ARID1B: variants seen among roughly 807,000 people sequenced by gnomAD.
ARID1B encodes AT-rich interactive domain-containing protein 1B.
Under a neutral mutation model 212.3 loss-of-function variants are expected in ARID1B, and 30 were observed. That is an observed-to-expected ratio of 0.14 (90% confidence interval 0.11 to 0.19). The LOEUF (loss-of-function observed/expected upper bound fraction) is 0.19. ARID1B is among the 10% of genes least tolerant of loss of function. The pLI is 1.00. For missense variants in ARID1B, 2,891 were observed against 3,204.0 expected (o/e 0.90, Z 2.36); for synonymous variants, 1,402 against 1,301.7 (o/e 1.08, Z -1.66).
At chr6:156,918,848 G>A (rs1790565394) in intron 3 of ARID1B, among the ~76,000 whole-genome samples, 1 of 152,172 alleles carries the variant, frequency 6.6e-6, no homozygotes, top group African/African-American at 2.4e-5. Context: ...ATGCCAGGAG[G>A]ATGGGAATGA....
chr6:157,184,089 A>G (rs1792778814), intron 12 of ARID1B, 142 bp from the exon 13 acceptor site: 7 of 713,492 alleles, frequency 9.8e-6, no homozygotes, highest in Non-Finnish European at 1.6e-5. Flanking sequence ...CTGCCTATGC[A>G]CTGCTGAGTG....
At chr6:157,163,156 G>A (rs1246609199) in intron 8 of ARID1B, among the ~76,000 whole-genome samples, 1 of 152,200 alleles carries the variant, frequency 6.6e-6, no homozygotes, top group Non-Finnish European at 1.5e-5. Flanking sequence ...CCGTCCAAAT[G>A]TTGTGTTGGT....
intron 4 of ARID1B, among the ~76,000 whole-genome samples, chr6:157,021,420 G>A (rs915648106): frequency 2.6e-5 from 4 of 152,180 alleles, no homozygotes; most frequent in Non-Finnish European, 5.9e-5. Flanking sequence ...AGGGCGGCGA[G>A]CGCGGAGGGG....
chr6:157,094,804 C>T lies in ARID1B; in HGVS notation c.2491+9899C>T, dbSNP rs943523130. Among the ~76,000 whole-genome samples the T allele has an allele frequency of 6.6e-6, 1 of 152,110 alleles. No homozygotes were observed. The highest frequency in any genetic ancestry group is 2.4e-5 in the African/African-American group (1 of 41,398). ...GGTGGGAGCAGAGACATCGGAGGCT[C>T]CTGCAGTAACCACGCGGAGTGTTGA... On this transcript the variant is annotated intron_variant, in intron 5 of 19. Transcript: ENST00000636930. This position sits in a 1 kb window ranked among gnomAD's most constrained non-coding sequence, Gnocchi z 4.3.
chr6:157,044,243 A>G (rs1228603886), intron 4 of ARID1B, among the ~76,000 whole-genome samples: 2 of 152,236 alleles, frequency 1.3e-5, no homozygotes, highest in Non-Finnish European at 1.5e-5. Context: ...ATAATTTCAA[A>G]TAGAATAAAA....
In ARID1B at chr6:156,969,420, A is replaced by G. The variant is rs981131820; in HGVS notation, c.2247+33844A>G. On this transcript the variant is annotated intron_variant, in intron 4 of 19. Coordinates refer to ENST00000636930, the MANE Select transcript of ARID1B (RefSeq NM_001374828.1). ...GCAGGCTCTCCCCATGAGTGCTGGT[A>G]TCTGTCTTAAGACAACCAGCTAGAG... 3.5e-4 allele frequency among the ~76,000 whole-genome samples: 54 copies of G among 152,204 alleles called. 1 individual carries two copies. Among genetic ancestry groups the G allele is most frequent in the Non-Finnish European group, 1.2e-4 (8 of 68,024 alleles).
Position 157,184,268 on chromosome 6 carries a change from A to G in ARID1B, c.3752A>G (p.Asn1251Ser), listed in dbSNP as rs1408001716. The stretch of plus-strand genomic sequence containing the variant: ...AAGAAGTGGCGTGAGCTGGCAACCA[A>G]CCTAAACGTTGGCACCTCAAGCAGT... ...KNKKWRELAT[N>S]LNVGTSSSAA... The change falls in exon 13 of 20, where the codon AAC (asparagine) becomes AGC (serine). Residue 1251 changes from asparagine to serine, a missense_variant. Asn to Ser is a conservative substitution (Grantham distance 46, BLOSUM62 1). This residue lies in a region of ARID1B where 666 missense variants were observed against 873.5 expected (regional missense o/e 0.76). Transcript: ENST00000636930. 11 of 1,613,618 alleles carry G rather than the reference A, an allele frequency of 6.8e-6. No homozygotes were observed. The highest frequency in any genetic ancestry group is 5.3e-5 in the African/African-American group (4 of 74,910).
At chr6:157,006,441 T>C (rs1779255495) in intron 4 of ARID1B, among the ~76,000 whole-genome samples, 4 of 152,192 alleles carry the variant, frequency 2.6e-5, no homozygotes, top group African/African-American at 9.7e-5. Context: ...TTATATTGTT[T>C]TATAAAATAT....
Position 157,190,331 on chromosome 6 carries a change from C to T in ARID1B, c.4231+121C>T. ...AGCCCATGCTGCATCGGTGTGGGTC[C>T]CAGGTCCCCATCCTACTCCACTTGT... On this transcript the variant is annotated intron_variant, in intron 15 of 19. Coordinates refer to ENST00000636930, the MANE Select transcript of ARID1B (RefSeq NM_001374828.1). The surrounding 1 kb of genome is among the most constrained non-coding windows in gnomAD (Gnocchi z 4.6). The T allele has an allele frequency of 3.3e-6, 4 of 1,206,976 alleles. No individual in the cohort carries two copies. The highest frequency in any genetic ancestry group is 3.0e-5 in the Admixed American group (1 of 33,898). The allele number at this position is 1,206,976 out of a possible 1,614,324, so 74.8% of individuals were successfully genotyped here.
intron 4 of ARID1B, among the ~76,000 whole-genome samples, chr6:156,979,289 T>C (rs937473786): frequency 2.0e-5 from 3 of 152,244 alleles, no homozygotes; most frequent in Non-Finnish European, 4.4e-5. Context: ...CTTACCTTTC[T>C]AGGTCAGGTT....
At position 157,133,300 on chromosome 6, in the gene ARID1B, T is replaced by C. The variant is rs867553370; in HGVS notation, c.2761+93T>C. 13 of 1,344,868 alleles carry C rather than the reference T, an allele frequency of 9.7e-6. No individual in the cohort carries two copies. In the Middle Eastern group the frequency reaches 7.1e-4, roughly 74 times the overall value. 83.3% of individuals were successfully genotyped at this position (1,344,868 alleles called of 1,614,324 possible). A position where few individuals can be genotyped will look rare whatever the true frequency, so the allele number is the denominator to read the frequency against. On this transcript the variant is annotated intron_variant, in intron 7 of 19. Coordinates refer to ENST00000636930, the MANE Select transcript of ARID1B (RefSeq NM_001374828.1). The stretch of plus-strand genomic sequence containing the variant: ...TCAAGATTTTAATATTGTAAACATA[T>C]CGTAAGATCCATTATCTGTTACCTG...
intron 10 of ARID1B, 91 bp from the exon 11 acceptor site, chr6:157,174,756 T>A (rs1791982325): frequency 3.4e-6 from 2 of 581,054 alleles, no homozygotes; most frequent in Admixed American, 3.8e-5. Context: ...TATAAAAAAA[T>A]TAGTTTGTTA....
At chr6:156,912,135 A>G (rs1046362240) in intron 3 of ARID1B, among the ~76,000 whole-genome samples, 2 of 152,166 alleles carry the variant, frequency 1.3e-5, no homozygotes, top group Non-Finnish European at 2.9e-5. Flanking sequence ...TACCCATTAT[A>G]CAATGTAAGG....
intron 5 of ARID1B, among the ~76,000 whole-genome samples, chr6:157,101,113 C>T (rs1302023275): frequency 6.6e-6 from 1 of 152,160 alleles, no homozygotes; most frequent in African/African-American, 2.4e-5. Context: ...ATTGCACAGT[C>T]AGTGGGAAGC....
At chr6:156,911,647 G>T (rs1245661350) in intron 3 of ARID1B, among the ~76,000 whole-genome samples, 2 of 152,144 alleles carry the variant, frequency 1.3e-5, no homozygotes, top group Non-Finnish European at 2.9e-5. Flanking sequence ...TGAATGTAAT[G>T]GAAAGAGGTA....
At chr6:156,896,199 G>T (rs942624282) in intron 2 of ARID1B, among the ~76,000 whole-genome samples, 1 of 152,136 alleles carries the variant, frequency 6.6e-6, no homozygotes, top group African/African-American at 2.4e-5. Context: ...TGGAACATGT[G>T]TGTTTCATGG....
At chr6:157,202,019 A>G (rs1221155192) in intron 18 of ARID1B, among the ~76,000 whole-genome samples, 1 of 152,256 alleles carries the variant, frequency 6.6e-6, no homozygotes, top group African/African-American at 2.4e-5. Flanking sequence ...TAATTTGGTG[A>G]CAACATACAG....
Position 157,124,168 on chromosome 6 carries a change from G to A in ARID1B, c.2582-8860G>A, listed in dbSNP as rs73021525. Among the ~76,000 whole-genome samples the A allele has an allele frequency of 5.1e-3, 783 of 152,304 alleles. 5 individuals are homozygous for A. Among genetic ancestry groups the A allele is most frequent in the Middle Eastern group, 0.01 (3 of 294 alleles). On this transcript the variant is annotated intron_variant, in intron 6 of 19. Coordinates refer to ENST00000636930, the MANE Select transcript of ARID1B (RefSeq NM_001374828.1). The stretch of plus-strand genomic sequence containing the variant: ...TCAGAAATGATTCTTTGGAAACACC[G>A]TGAGATGAAGAACGAAACAATCCAA...
In ARID1B at chr6:156,805,535, G is replaced by A. The variant is rs1781093547; in HGVS notation, c.1792-23692G>A. Among the ~76,000 whole-genome samples, 4 of 152,048 alleles carry A rather than the reference G, an allele frequency of 2.6e-5. No individual in the cohort carries two copies. In the South Asian group the frequency reaches 8.3e-4, roughly 32 times the overall value. On this transcript the variant is annotated intron_variant, in intron 1 of 19. Coordinates refer to ENST00000636930, the MANE Select transcript of ARID1B (RefSeq NM_001374828.1). ...CTTCACCAAGGAAGGGCAGCTATTG[G>A]TTTGCCTATAGGAGTATGCTCTCTC...
Sources: gnomAD v4.1 joint callset for allele counts (sites outside exome capture counted in the v4.1 genomes callset) on GRCh38, gnomAD v4.1.1 for gene constraint, gnomAD v4.1.1 regional missense constraint, Gnocchi (gnomAD v3.1) non-coding constraint, MANE v1.5 for transcripts, NCBI Gene and HGNC (gene_info 2026-07-23, HGNC 2026-07-21) for gene names.